Variants in SPTBN4 observed in about 807,000 individuals in gnomAD.
SPTBN4 encodes the protein spectrin beta, non-erythrocytic 4.
SPTBN4 carries 96 observed loss-of-function variants against 277.8 expected under a neutral mutation model. The ratio of observed to expected loss-of-function variants is 0.35; its 90% CI spans 0.29 to 0.41. SPTBN4 has a LOEUF of 0.41. SPTBN4 is among the 10% of genes least tolerant of loss of function. The pLI is 1.00. For synonymous variants in SPTBN4, 1,481 were observed against 1,580.3 expected, an observed-to-expected ratio of 0.94 and a Z score of 1.49; for missense variants, 3,006 against 3,595.7, an observed-to-expected ratio of 0.84 and a Z score of 4.19.
At chr19:40,498,961 T>C (rs2080233572) in intron 7 of SPTBN4, among the ~76,000 whole-genome samples, 1 of 151,946 alleles carries the variant, frequency 6.6e-6, no homozygotes, top group Non-Finnish European at 1.5e-5. Context: ...TTTAGCCTCC[T>C]AAAGTGCTGG....
chr19:40,513,415 T>C lies in SPTBN4; in HGVS notation c.2626T>C (p.Trp876Arg), dbSNP rs2145866253. Residue 876 changes from tryptophan (W) to arginine (R), a missense_variant, in exon 14 of 36, where the codon TGG becomes CGG. Transcript: ENST00000598249. The part of the protein sequence containing the change: ...VTEVAALRRQ[W>R]LRDALAVYRM... ...CGAAGTGGCGGCGCTGAGGCGCCAG[T>C]GGCTGCGGGACGCGCTCGCTGTCTA... 1 of 1,604,392 alleles carries C rather than the reference T, an allele frequency of 6.2e-7. No homozygotes were observed. Among genetic ancestry groups the C allele is most frequent in the East Asian group, 2.2e-5 (1 of 44,652 alleles).
intron 2 of SPTBN4, among the ~76,000 whole-genome samples, chr19:40,485,212 C>T (rs923528626): frequency 4.6e-5 from 7 of 152,150 alleles, no homozygotes; most frequent in Admixed American, 2.0e-4. Context: ...TGCAGTGGCA[C>T]GATCTCGGCT....
rs1194167835 is a variant in SPTBN4 at position 40,560,316 on chromosome 19, A to C, written c.5828A>C (p.Asp1943Ala). The change falls in exon 27 of 36, where the codon GAC (aspartate) becomes GCC (alanine). Residue 1943 changes from aspartate (D) to alanine (A), a missense_variant. Around this residue, in one of 5 missense-constraint regions of SPTBN4, gnomAD observed 425 missense variants for 594.7 expected, o/e 0.71. Transcript: ENST00000598249. The surrounding 1 kb of genome is among the most constrained non-coding windows in gnomAD (Gnocchi z 5.2). ...CGCCTGCATGTCAGCTCCACAGCCG[A>C]CGCCCTGCGCTTCCACAGCCAAGTC... The part of the protein sequence containing the change: ...DARLHVSSTA[D>A]ALRFHSQVRD... The C allele has an allele frequency of 6.2e-7, 1 of 1,613,948 alleles. No individual in the cohort carries two copies. The highest frequency in any genetic ancestry group is 8.5e-7 in the Non-Finnish European group (1 of 1,180,010).
intron 2 of SPTBN4, among the ~76,000 whole-genome samples, chr19:40,486,718 C>T (rs912103584): frequency 3.3e-5 from 5 of 150,556 alleles, no homozygotes; most frequent in Admixed American, 6.6e-5. Context: ...TCCTTAAGGC[C>T]GGGCGCAATG....
chr19:40,550,149 T>A, intron 21 of SPTBN4, 89 bp from the exon 22 acceptor site: 1 of 1,076,262 alleles, frequency 9.3e-7, no homozygotes, highest in Non-Finnish European at 1.4e-6. Flanking sequence ...AGGAAGGGCC[T>A]GGGATGCCGT....
At chr19:40,530,543 C>CGG (rs2080654362) in intron 18 of SPTBN4, 18 of 980,646 alleles carry the variant, frequency 1.8e-5, no homozygotes, top group Non-Finnish European at 2.2e-5. Context: ...GGGCGAGCAC[C>CGG]CGCCCGCCCG....
chr19:40,503,797 C>G, intron 11 of SPTBN4, 33 bp from the exon 12 acceptor site: 1 of 1,552,656 alleles, frequency 6.4e-7, no homozygotes, highest in South Asian at 1.2e-5. Flanking sequence ...ACTGCTGAGG[C>G]AGCATGGGTG....
chr19:40,565,523 C>A lies in SPTBN4; in HGVS notation c.6016C>A (p.Arg2006=). The change falls in exon 28 of 36, where the codon CGA becomes AGA. Residue 2006 remains arginine, a synonymous_variant. Transcript: ENST00000598249. ...GCTGACCACCTGCCAGGAGCTGGGG[C>A]GATCTCTGCTGCTCAACAAAAGTGC... The part of the protein sequence containing the change: ...PELTTCQELG[R]SLLLNKSAMA... 6.2e-7 allele frequency: 1 copy of A among 1,614,038 alleles called. No homozygotes were observed. The highest frequency in any genetic ancestry group is 1.1e-5 in the South Asian group (1 of 91,080).
intron 17 of SPTBN4, 59 bp from the exon 18 acceptor site, chr19:40,528,982 G>T: frequency 7.3e-7 from 1 of 1,365,274 alleles, no homozygotes; most frequent in South Asian, 1.2e-5. Context: ...CAGTCCTACT[G>T]CCAGCGCCGC....
intron 20 of SPTBN4, among the ~76,000 whole-genome samples, chr19:40,536,446 A>T (rs56208840): frequency 0.035 from 5,269 of 152,122 alleles, 142 homozygotes; most frequent in Non-Finnish European, 0.056. Flanking sequence ...ACTCCTGACC[A>T]CAGGTGATTC....
intron 33 of SPTBN4, chr19:40,571,426 A>G (rs2081155581): frequency 6.6e-6 from 1 of 152,510 alleles, no homozygotes; most frequent in Non-Finnish European, 1.5e-5. Context: ...GAGAGGCAGA[A>G]TCTGGGGACA....
Position 40,524,238 on chromosome 19 carries a change from C to T in SPTBN4, c.3857+599C>T, listed in dbSNP as rs1339784574. On this transcript the variant is annotated intron_variant, in intron 17 of 35. Coordinates refer to ENST00000598249, the MANE Select transcript of SPTBN4 (RefSeq NM_020971.3). ...TAAAATGTTAGGCTGGGTGCAGTGA[C>T]TCATGCCTGTAATCCCAGCACTTCG... Among the ~76,000 whole-genome samples, 3 of 151,932 alleles carry T rather than the reference C, an allele frequency of 2.0e-5. No homozygotes were observed. The East Asian group carries it at 5.8e-4, about 29-fold the overall frequency.
At chr19:40,540,257 G>A (rs1356056331) in intron 20 of SPTBN4, among the ~76,000 whole-genome samples, 1 of 152,004 alleles carries the variant, frequency 6.6e-6, no homozygotes, top group East Asian at 1.9e-4. Context: ...ATAAAACTGA[G>A]AGCATATCAC....
At chr19:40,493,465 A>G (rs2080160640) in intron 5 of SPTBN4, among the ~76,000 whole-genome samples, 2 of 152,128 alleles carry the variant, frequency 1.3e-5, no homozygotes, top group Admixed American at 6.6e-5. Context: ...ACTTTGGGAG[A>G]ATGAGGCTAG....
intron 5 of SPTBN4, among the ~76,000 whole-genome samples, chr19:40,494,560 A>ATC (rs1210577736): frequency 2.0e-5 from 3 of 151,718 alleles, no homozygotes. Context: ...GTATCTATCT[A>ATC]TCTATCTTCT....
At chr19:40,567,228 G>A (rs996935944) in intron 30 of SPTBN4, 2 of 426,216 alleles carry the variant, frequency 4.7e-6, no homozygotes, top group African/African-American at 4.1e-5. Context: ...AGCACTGGAG[G>A]TCAAGGCTGC....
At chr19:40,545,550 C>A (rs1431866710) in intron 20 of SPTBN4, among the ~76,000 whole-genome samples, 2 of 152,172 alleles carry the variant, frequency 1.3e-5, no homozygotes, top group Non-Finnish European at 2.9e-5. Flanking sequence ...TGCCCATCTC[C>A]CAACATCTTT....
chr19:40,534,334 G>A lies in SPTBN4; in HGVS notation c.4350G>A (p.Lys1450=). ...TGGCCACTGTCAACAGTCAGCTCAA[G>A]AAGCTGCAGGTATGGTCTTCCTGGC... ...GDLATVNSQL[K]KLQSMESQVE... is the part of the protein sequence containing the mutation. Residue 1450 remains lysine (K), a synonymous_variant, in exon 20 of 36, where the codon AAG becomes AAA. Coordinates refer to ENST00000598249, the MANE Select transcript of SPTBN4 (RefSeq NM_020971.3). The A allele has an allele frequency of 6.2e-7, 1 of 1,613,372 alleles. No individual in the cohort carries two copies. Among genetic ancestry groups the A allele is most frequent in the Non-Finnish European group, 8.5e-7 (1 of 1,179,954 alleles).
chr19:40,521,532 G>C (rs2080526363), intron 16 of SPTBN4, among the ~76,000 whole-genome samples: 1 of 152,034 alleles, frequency 6.6e-6, no homozygotes, highest in Non-Finnish European at 1.5e-5. Flanking sequence ...GTGCAACCTG[G>C]ATCCCCCACA....
Sources: allele counts gnomAD v4.1 joint callset (sites outside exome capture counted in the v4.1 genomes callset), GRCh38; gene constraint gnomAD v4.1.1; regional missense constraint gnomAD v4.1.1; non-coding constraint Gnocchi (gnomAD v3.1); transcripts MANE v1.5; gene names NCBI Gene and HGNC (gene_info 2026-07-23, HGNC 2026-07-21).